RAB10: variants seen among roughly 807,000 people sequenced by gnomAD.
RAB10 encodes RAB10, member RAS oncogene family, also known as ras-related protein Rab-10.
RAB10 carries 5 observed loss-of-function variants against 25.7 expected under a neutral mutation model. The ratio of observed to expected loss-of-function variants is 0.19; its 90% confidence interval spans 0.10 to 0.41. RAB10 has a LOEUF of 0.41. Ranked by LOEUF, RAB10 falls within the 10% of genes least tolerant of loss-of-function variation. The pLI, the probability that RAB10 is intolerant of heterozygous loss-of-function variation, is 1.00. For missense variants in RAB10, 103 were observed against 245.8 expected (o/e 0.42, Z 3.89); for synonymous variants, 89 against 86.4 (o/e 1.03, Z -0.16).
chr2:26,102,435 C>CTTTTTTTT (rs1667361154), intron 2 of RAB10, among the ~76,000 whole-genome samples: 1 of 134,466 alleles, frequency 7.4e-6, no homozygotes. Flanking sequence ...TTTCTTTTTT[C>CTTTTTTTT]TTTCTTTTTT....
intron 1 of RAB10, among the ~76,000 whole-genome samples, chr2:26,045,981 T>C (rs531970589): frequency 6.6e-6 from 1 of 152,286 alleles, no homozygotes; most frequent in Admixed American, 6.5e-5. Flanking sequence ...TTCAAATAGA[T>C]GAATAATTGA....
At chr2:26,040,600 G>C (rs1559575792) in intron 1 of RAB10, among the ~76,000 whole-genome samples, 1 of 152,108 alleles carries the variant, frequency 6.6e-6, no homozygotes. Flanking sequence ...CAAAGGTGCA[G>C]TGAGCTCGGA....
intron 1 of RAB10, among the ~76,000 whole-genome samples, chr2:26,083,615 C>T (rs1666917487): frequency 6.6e-6 from 1 of 152,028 alleles, no homozygotes; most frequent in African/African-American, 2.4e-5. Flanking sequence ...AAGTGTGTGC[C>T]ACCACACCCG....
At chr2:26,033,542 G>GT (rs1055795071), upstream of RAB10, among the ~76,000 whole-genome samples, 36 of 152,250 alleles carry the variant, frequency 2.4e-4, no homozygotes, top group African/African-American at 8.4e-4. Flanking sequence ...GGCACGCCGG[G>GT]AGGCGTCTCG....
Position 26,102,416 on chromosome 2 carries a change from A to AT in RAB10, c.188+3705dup, listed in dbSNP as rs59552007. Among the ~76,000 whole-genome samples, 493 of 133,362 alleles carry AT rather than the reference A, an allele frequency of 3.7e-3. 2 individuals carry two copies. The highest frequency in any genetic ancestry group is 0.012 in the South Asian group (49 of 4,194). The allele number at this position is 133,362 out of a possible 152,430, so 87.5% of individuals were successfully genotyped here. ...GAAATGAGCAAGTGACTGGGCTGTGATTTTTTTTTTTCTTTTTTCTTTCTT... is the reference window on the plus strand; with the variant it reads ...GAAATGAGCAAGTGACTGGGCTGTGATTTTTTTTTTTTCTTTTTTCTTTCTT... On this transcript the variant is annotated intron_variant, in intron 2 of 5. Transcript: ENST00000264710.
chr2:26,070,980 A>G (rs1666612900), intron 1 of RAB10, among the ~76,000 whole-genome samples: 1 of 152,198 alleles, frequency 6.6e-6, no homozygotes, highest in South Asian at 2.1e-4. Flanking sequence ...GGTATGTAAA[A>G]TTGCTGACCT....
At chr2:26,127,394 TC>T in intron 4 of RAB10, 161 bp downstream of exon 4, 1 of 601,498 alleles carries the variant, frequency 1.7e-6, no homozygotes, top group South Asian at 2.4e-5. Flanking sequence ...GAATTTTTTT[TC>T]AGTGCATATT....
intron 4 of RAB10, 57 bp from the exon 5 acceptor site, chr2:26,127,793 C>T: frequency 8.0e-7 from 1 of 1,252,366 alleles, no homozygotes; most frequent in Non-Finnish European, 1.2e-6. Flanking sequence ...CTGTTAAAGT[C>T]AGCAGTTGGC....
chr2:26,061,680 T>G (rs1666397272), intron 1 of RAB10, among the ~76,000 whole-genome samples: 1 of 151,918 alleles, frequency 6.6e-6, no homozygotes, highest in Non-Finnish European at 1.5e-5. Context: ...TGTGAGTCAT[T>G]GTCCCCAGTC....
chr2:26,033,811 G>A (rs959245976), upstream of RAB10, among the ~76,000 whole-genome samples: 2 of 152,050 alleles, frequency 1.3e-5, no homozygotes, highest in Middle Eastern at 3.4e-3. Context: ...CGGAGGGGGG[G>A]CGCTGCGCCT....
At chr2:26,131,244 T>C (rs1668007585) in intron 5 of RAB10, among the ~76,000 whole-genome samples, 1 of 152,048 alleles carries the variant, frequency 6.6e-6, no homozygotes, top group African/African-American at 2.4e-5. Context: ...ACATATAAAA[T>C]ACACTAATAC....
At chr2:26,065,225 AAAAG>A (rs1452753290) in intron 1 of RAB10, among the ~76,000 whole-genome samples, 13 of 152,248 alleles carry the variant, frequency 8.5e-5, no homozygotes, top group Middle Eastern at 6.8e-3. Flanking sequence ...GAAAAAAAGA[AAAAG>A]AAAAAAAAAA....
intron 1 of RAB10, among the ~76,000 whole-genome samples, chr2:26,040,576 T>G (rs1243202924): frequency 1.3e-5 from 2 of 152,028 alleles, no homozygotes; most frequent in African/African-American, 4.8e-5. Context: ...GAGGATCACT[T>G]GAGTCCAGGA....
chr2:26,065,772 TAGTTC>T (rs1465180908), intron 1 of RAB10, among the ~76,000 whole-genome samples: 2 of 152,226 alleles, frequency 1.3e-5, no homozygotes, highest in African/African-American at 4.8e-5. Flanking sequence ...ACAGATTTTA[TAGTTC>T]AGTTACTATG....
intron 1 of RAB10, among the ~76,000 whole-genome samples, chr2:26,094,551 C>T (rs1251403077): frequency 5.3e-5 from 8 of 150,878 alleles, no homozygotes; most frequent in Admixed American, 4.0e-4. Context: ...CGCACCTGGC[C>T]GTATTTATTT....
chr2:26,103,878 A>G (rs1316374906), intron 2 of RAB10, among the ~76,000 whole-genome samples: 1 of 152,088 alleles, frequency 6.6e-6, no homozygotes, highest in Non-Finnish European at 1.5e-5. Context: ...GCATGAGGTT[A>G]TCAGGGTCTG....
chr2:26,108,877 TTATATTTATTTATTTATTTA>T (rs1389747028), intron 2 of RAB10, among the ~76,000 whole-genome samples: 10 of 127,046 alleles, frequency 7.9e-5, no homozygotes, highest in African/African-American at 2.1e-4. Context: ...GTCTTTTGCT[TTATATTTATTTATTTATTTA>T]TTTATTTATT....
upstream of RAB10, chr2:26,034,057 G>A (rs976798500): frequency 1.5e-4 from 60 of 401,168 alleles, no homozygotes; most frequent in Non-Finnish European, 2.1e-4. Context: ...GGGCGTGAGG[G>A]AAGGGCGGGC....
intron 2 of RAB10, among the ~76,000 whole-genome samples, chr2:26,104,714 A>G (rs1462848642): frequency 1.3e-5 from 2 of 150,676 alleles, no homozygotes; most frequent in African/African-American, 4.9e-5. Context: ...TGTTGGATTT[A>G]GGTCTTGATC....
Sources: gnomAD v4.1 joint callset for allele counts (sites outside exome capture counted in the v4.1 genomes callset) on GRCh38, gnomAD v4.1.1 for gene constraint, MANE v1.5 for transcripts, NCBI Gene and HGNC (gene_info 2026-07-23, HGNC 2026-07-21) for gene names.